The following CASZ1 variants were observed in gnomAD, a reference collection of about 807,000 sequenced individuals.
CASZ1 encodes the protein castor zinc finger 1, also known as zinc finger protein castor homolog 1.
A neutral mutation model predicts 135.2 loss-of-function variants in CASZ1; 28 were observed. That is an observed-to-expected ratio of 0.21 (90% CI 0.15 to 0.28). The LOEUF (loss-of-function observed/expected upper bound fraction) is 0.28, where lower values mean the gene tolerates loss of function less well. Among genes scored for constraint, CASZ1 ranks in the 10% least tolerant of loss-of-function variants. The probability of loss-of-function intolerance (pLI) is 1.00; values close to 1 mark genes in which losing one functional copy is unlikely to be tolerated. For missense variants in CASZ1, 2,161 were observed against 2,453.3 expected (o/e 0.88, Z 2.52); for synonymous variants, 1,068 against 1,073.4 (o/e 0.99, Z 0.10).
intron 4 of CASZ1, among the ~76,000 whole-genome samples, chr1:10,671,406 C>T (rs1486125483): frequency 2.0e-5 from 3 of 152,216 alleles, no homozygotes; most frequent in Non-Finnish European, 4.4e-5. Flanking sequence ...CAGAGTGCTG[C>T]GTGTGGTCGT....
At chr1:10,662,022 TCATA>T (rs1643050372) in intron 5 of CASZ1, among the ~76,000 whole-genome samples, 1 of 150,834 alleles carries the variant, frequency 6.6e-6, no homozygotes, top group East Asian at 2.0e-4. Context: ...ACATGCATTC[TCATA>T]CACTCTCACA....
Position 10,721,614 on chromosome 1 carries a change from C to T in CASZ1, c.-76-16070G>A, listed in dbSNP as rs964666570. On this transcript the variant is annotated intron_variant, in intron 2 of 20. Coordinates refer to ENST00000377022, the MANE Select transcript of CASZ1 (RefSeq NM_001079843.3). This position sits in a 1 kb window ranked among gnomAD's most constrained non-coding sequence, Gnocchi z 5.4. ...CTACCTGCCAGCGTGGCCCCCTTGC[C>T]ATCAGAGCCCACGGGGGGCTGGACG... is the stretch of plus-strand genomic sequence containing the variant. Among the ~76,000 whole-genome samples the T allele has an allele frequency of 4.6e-5, 7 of 152,200 alleles. No individual in the cohort carries two copies. The highest frequency in any genetic ancestry group is 7.3e-5 in the Non-Finnish European group (5 of 68,030).
intron 2 of CASZ1, among the ~76,000 whole-genome samples, chr1:10,714,428 G>T (rs567601704): frequency 1.3e-5 from 2 of 152,358 alleles, no homozygotes; most frequent in East Asian, 3.9e-4. Context: ...CTCAGACTCG[G>T]CAGTGGCTCT....
intron 1 of CASZ1, among the ~76,000 whole-genome samples, chr1:10,789,386 G>A (rs1338499544): frequency 1.3e-5 from 2 of 148,788 alleles, no homozygotes; most frequent in African/African-American, 5.0e-5. Flanking sequence ...TCCTCTGCTG[G>A]CTCTTTTCTC....
At chr1:10,728,455 C>T (rs186630752) in intron 2 of CASZ1, among the ~76,000 whole-genome samples, 1 of 152,208 alleles carries the variant, frequency 6.6e-6, no homozygotes, top group South Asian at 2.1e-4. Context: ...CCAGGACAAT[C>T]CTGTCCCACT....
At chr1:10,693,806 TAAG>T in intron 4 of CASZ1, 65 bp downstream of exon 4, 1 of 964,292 alleles carries the variant, frequency 1.0e-6, no homozygotes, top group Non-Finnish European at 1.5e-6. Flanking sequence ...GGGCTAAAAA[TAAG>T]AACTTCCGTA....
At position 10,694,417 on chromosome 1, in the gene CASZ1, T is replaced by C; in HGVS notation, c.-23-505A>G. On this transcript the variant is annotated intron_variant, in intron 3 of 20. Coordinates refer to ENST00000377022, the MANE Select transcript of CASZ1 (RefSeq NM_001079843.3). The surrounding 1 kb of genome is among the most constrained non-coding windows in gnomAD (Gnocchi z 6.6). ...AAGTTGTTTTAAAGCCCTGATGTCA[T>C]TGCTCCTGCCGGTAACACTCAGGGT... 1.6e-6 allele frequency: 1 copy of C among 636,918 alleles called. No homozygotes were observed. Among genetic ancestry groups the C allele is most frequent in the Non-Finnish European group, 2.1e-6 (1 of 470,738 alleles). The allele number at this position is 636,918 out of a possible 1,614,324, so 39.5% of individuals were successfully genotyped here.
Position 10,640,027 on chromosome 1 carries a change from C to G in CASZ1, c.4195G>C (p.Ala1399Pro). The change falls in exon 21 of 21, where the codon GCC becomes CCC. Residue 1399 changes from alanine (A) to proline (P), a missense_variant. This residue lies in a region of CASZ1 where 143 missense variants were observed against 128.3 expected (regional missense o/e 1.11). Transcript: ENST00000377022. ...NTISMPTASG[A>P]KKRFWIIEDM... ...TCGATGATCCAGAAGCGCTTTTTGGCCCCCGAGGCTGTCGGCATAGAGATG... is the reference window on the plus strand; with the variant it reads ...TCGATGATCCAGAAGCGCTTTTTGGGCCCCGAGGCTGTCGGCATAGAGATG... 6.2e-7 allele frequency: 1 copy of G among 1,610,202 alleles called. No homozygotes were observed. Among genetic ancestry groups the G allele is most frequent in the Non-Finnish European group, 8.5e-7 (1 of 1,179,694 alleles).
intron 20 of CASZ1, 101 bp downstream of exon 20, chr1:10,642,758 G>A: frequency 7.3e-7 from 1 of 1,368,068 alleles, no homozygotes; most frequent in Non-Finnish European, 9.9e-7. Flanking sequence ...GTCCTCCTCG[G>A]AGGCCGCGTG....
chr1:10,783,768 A>T (rs927797356), intron 1 of CASZ1, among the ~76,000 whole-genome samples: 1 of 145,560 alleles, frequency 6.9e-6, no homozygotes, highest in Admixed American at 7.2e-5. Flanking sequence ...GCTACTCAGG[A>T]GGCTGAGGCA....
chr1:10,653,637 C>G lies in CASZ1; in HGVS notation c.2420G>C (p.Gly807Ala). ...TPTPYFPILA[G>A]RGSTSLPVGT... ...CACAGGCAGGGAGGTGCTCCCACGGCCAGCCAGTATGGGGAAGTAGGGCGT... is the reference window on the plus strand; with the variant it reads ...CACAGGCAGGGAGGTGCTCCCACGGGCAGCCAGTATGGGGAAGTAGGGCGT... Residue 807 changes from glycine to alanine, a missense_variant, in exon 11 of 21, where the codon GGC becomes GCC. Physicochemically the swap from Gly to Ala is moderately conservative, Grantham distance 60. Around this residue, in one of 7 missense-constraint regions of CASZ1, gnomAD observed 406 missense variants for 387.6 expected, o/e 1.05. Transcript: ENST00000377022. 4 of 1,549,864 alleles carry G rather than the reference C, an allele frequency of 2.6e-6. No homozygotes were observed. Among genetic ancestry groups the G allele is most frequent in the Non-Finnish European group, 3.5e-6 (4 of 1,147,276 alleles).
Position 10,700,078 on chromosome 1 carries a change from G to GACACACAC in CASZ1, c.-24+5413_-24+5414insGTGTGTGT, listed in dbSNP as rs1443024550. ...AGAGACAGAGAGAGAAAGAGAGATA[G>GACACACAC]AGACACACACACACACACACACACA... On this transcript the variant is annotated intron_variant, in intron 3 of 20. Coordinates refer to ENST00000377022, the MANE Select transcript of CASZ1 (RefSeq NM_001079843.3). This position sits in a 1 kb window ranked among gnomAD's most constrained non-coding sequence, Gnocchi z 4.2. 6.9e-3 allele frequency among the ~76,000 whole-genome samples: 514 copies of GACACACAC among 74,150 alleles called. 7 individuals carry two copies. Among genetic ancestry groups the GACACACAC allele is most frequent in the African/African-American group, 0.029 (490 of 17,166 alleles). The allele number at this position is 74,150 out of a possible 152,430, so 48.6% of individuals were successfully genotyped here.
In CASZ1 at chr1:10,639,305, C is replaced by G; in HGVS notation, c.4917G>C (p.Leu1639=). The change falls in exon 21 of 21, where the codon CTG becomes CTC. Residue 1639 remains leucine, a synonymous_variant. Coordinates refer to ENST00000377022, the MANE Select transcript of CASZ1 (RefSeq NM_001079843.3). The surrounding 1 kb of genome is among the most constrained non-coding windows in gnomAD (Gnocchi z 4.0). ...LLFLQSAAAG[L]GLALGDAGDP... ...CGCCCGCGTCGCCCAGCGCCAGGCC[C>G]AGGCCGGCGGCCGCCGACTGCAGGA... is the stretch of plus-strand genomic sequence containing the variant. 1 of 1,405,310 alleles carries G rather than the reference C, an allele frequency of 7.1e-7. No individual in the cohort carries two copies. The highest frequency in any genetic ancestry group is 1.5e-5 in the South Asian group (1 of 66,818). The allele number at this position is 1,405,310 out of a possible 1,614,324, so 87.1% of individuals were successfully genotyped here.
At chr1:10,744,889 C>T (rs965858753) in intron 2 of CASZ1, among the ~76,000 whole-genome samples, 6 of 152,162 alleles carry the variant, frequency 3.9e-5, no homozygotes, top group Non-Finnish European at 8.8e-5. Context: ...ACACGGTACA[C>T]GCAGACGCAT....
In CASZ1 at chr1:10,721,542, A is replaced by G. The variant is rs1639496538; in HGVS notation, c.-76-15998T>C. On this transcript the variant is annotated intron_variant, in intron 2 of 20. Coordinates refer to ENST00000377022, the MANE Select transcript of CASZ1 (RefSeq NM_001079843.3). The surrounding 1 kb of genome is among the most constrained non-coding windows in gnomAD (Gnocchi z 5.4). ...ATTCCCGGCTCGCAGGGAGCTTGAA[A>G]CCAGGACTGGTTCCATGCGGGCATC... Among the ~76,000 whole-genome samples, 1 of 152,132 alleles carries G rather than the reference A, an allele frequency of 6.6e-6. No homozygotes were observed. Among genetic ancestry groups the G allele is most frequent in the Non-Finnish European group, 1.5e-5 (1 of 68,024 alleles).
At chr1:10,783,263 G>A (rs1368571026) in intron 1 of CASZ1, among the ~76,000 whole-genome samples, 2 of 151,660 alleles carry the variant, frequency 1.3e-5, no homozygotes, top group African/African-American at 4.8e-5. Flanking sequence ...GTGTGTGTGT[G>A]TGTGTGTGTG....
chr1:10,704,717 C>T (rs1390118213), intron 3 of CASZ1, among the ~76,000 whole-genome samples: 1 of 152,260 alleles, frequency 6.6e-6, no homozygotes, highest in Non-Finnish European at 1.5e-5. Flanking sequence ...TGATGGATGG[C>T]TGCAGCCAGC....
At position 10,762,692 on chromosome 1, in the gene CASZ1, C is replaced by T. The variant is rs949725852; in HGVS notation, c.-233-1835G>A. Among the ~76,000 whole-genome samples, 4 of 152,238 alleles carry T rather than the reference C, an allele frequency of 2.6e-5. No individual in the cohort carries two copies. Among genetic ancestry groups the T allele is most frequent in the African/African-American group, 9.6e-5 (4 of 41,464 alleles). On this transcript the variant is annotated intron_variant, in intron 1 of 20. Transcript: ENST00000377022. This position sits in a 1 kb window ranked among gnomAD's most constrained non-coding sequence, Gnocchi z 4.1. ...AAAAGCCAGCATCTTACACAGGAGG[C>T]TGACATGCCCCTCTTCCAGCTTTGT...
chr1:10,702,876 C>A (rs1036812084), intron 3 of CASZ1, among the ~76,000 whole-genome samples: 2 of 151,988 alleles, frequency 1.3e-5, no homozygotes, highest in African/African-American at 4.8e-5. Context: ...AAATCCAATA[C>A]GCTGAAAGGT....
Sources: allele counts gnomAD v4.1 joint callset (sites outside exome capture counted in the v4.1 genomes callset), GRCh38; gene constraint gnomAD v4.1.1; regional missense constraint gnomAD v4.1.1; non-coding constraint Gnocchi (gnomAD v3.1); transcripts MANE v1.5; gene names NCBI Gene and HGNC (gene_info 2026-07-23, HGNC 2026-07-21).